Variants in FNDC3B observed in about 807,000 individuals in gnomAD.
FNDC3B encodes the protein fibronectin type III domain-containing protein 3B.
Under a neutral mutation model 151.5 loss-of-function variants are expected in FNDC3B, and 12 were observed. That is an observed-to-expected ratio of 0.08 (90% CI 0.05 to 0.13). The LOEUF (loss-of-function observed/expected upper bound fraction) is 0.13. Among genes scored for constraint, FNDC3B ranks in the 10% least tolerant of loss-of-function variants. FNDC3B has a pLI of 1.00. For missense variants in FNDC3B, 1,214 were observed against 1,505.3 expected, an observed-to-expected ratio of 0.81 and a Z score of 3.20; for synonymous variants, 528 against 549.0, an observed-to-expected ratio of 0.96 and a Z score of 0.54.
chr3:172,269,042 G>A (rs1729057369), intron 6 of FNDC3B, among the ~76,000 whole-genome samples: 1 of 152,158 alleles, frequency 6.6e-6, no homozygotes, highest in Non-Finnish European at 1.5e-5. Flanking sequence ...TTGAGCCATA[G>A]CATTCGTGGA....
At chr3:172,337,428 C>T (rs190776302) in intron 16 of FNDC3B, 27 bp downstream of exon 16, 14 of 1,421,578 alleles carry the variant, frequency 9.8e-6, no homozygotes, top group Admixed American at 3.3e-5. Flanking sequence ...TTGTTTTATT[C>T]AAATCCAATA....
chr3:172,397,270 A>C lies in FNDC3B; in HGVS notation c.3410A>C (p.Glu1137Ala). 6.2e-7 allele frequency: 1 copy of C among 1,614,164 alleles called. No homozygotes were observed. The highest frequency in any genetic ancestry group is 8.5e-7 in the Non-Finnish European group (1 of 1,180,016). Reference sequence around the variant, plus strand: ...CGTCGCTGTTTAGACACCTCTCAGGAGCTAAGCGGAGCCTTCAGCCCCTCT... The same window carrying C: ...CGTCGCTGTTTAGACACCTCTCAGGCGCTAAGCGGAGCCTTCAGCCCCTCT... ...ACRRCLDTSQ[E>A]LSGAFSPSAA... Residue 1137 changes from glutamate (E) to alanine (A), a missense_variant, in exon 26 of 26, where the codon GAG becomes GCG. Glu to Ala is a moderately radical substitution (Grantham distance 107). Coordinates refer to ENST00000415807, the MANE Select transcript of FNDC3B (RefSeq NM_022763.4).
Position 172,328,898 on chromosome 3 carries a change from A to ATCT in FNDC3B, c.1255-53_1255-51dup, listed in dbSNP as rs1255505663. 30 of 1,300,420 alleles carry ATCT rather than the reference A, an allele frequency of 2.3e-5. No individual in the cohort carries two copies. In the East Asian group the frequency reaches 7.6e-4, roughly 33 times the overall value. 80.6% of individuals were successfully genotyped at this position (1,300,420 alleles called of 1,614,324 possible). A position where few individuals can be genotyped will look rare whatever the true frequency, so the allele number is the denominator to read the frequency against. ...GATGCTCCTTCATTTATTTAGGGTT[A>ATCT]TCTGTTGTTTTTTTTTTTTTAAGTA... On this transcript the variant is annotated intron_variant, in intron 11 of 25. Transcript: ENST00000415807.
At chr3:172,204,262 A>G (rs1254894471) in intron 3 of FNDC3B, among the ~76,000 whole-genome samples, 3 of 152,208 alleles carry the variant, frequency 2.0e-5, no homozygotes, top group African/African-American at 7.2e-5. Context: ...CCAAGCATGC[A>G]CCGGAGACGC....
chr3:172,385,062 G>A (rs922391647), intron 25 of FNDC3B, among the ~76,000 whole-genome samples: 8 of 151,348 alleles, frequency 5.3e-5, no homozygotes, highest in African/African-American at 1.9e-4. Context: ...GGGACAATTT[G>A]TACTGGTTTC....
At chr3:172,203,010 G>A (rs1031619357) in intron 3 of FNDC3B, among the ~76,000 whole-genome samples, 1 of 152,038 alleles carries the variant, frequency 6.6e-6, no homozygotes, top group Non-Finnish European at 1.5e-5. Context: ...TACCAAAGCC[G>A]GCCATGGGCT....
intron 1 of FNDC3B, among the ~76,000 whole-genome samples, chr3:172,092,147 A>G (rs759425250): frequency 9.2e-5 from 14 of 152,154 alleles, no homozygotes; most frequent in Non-Finnish European, 1.6e-4. Context: ...TTGGAGTAGA[A>G]GAACAGCAAA....
At chr3:172,116,202 A>G (rs1446507995) in intron 2 of FNDC3B, among the ~76,000 whole-genome samples, 1 of 152,256 alleles carries the variant, frequency 6.6e-6, no homozygotes, top group African/African-American at 2.4e-5. Flanking sequence ...AACTAAAAAT[A>G]AATAACAAGA....
intron 2 of FNDC3B, among the ~76,000 whole-genome samples, chr3:172,126,747 G>A (rs1195173683): frequency 6.6e-6 from 1 of 152,214 alleles, no homozygotes; most frequent in East Asian, 1.9e-4. Context: ...AGAAAACTGA[G>A]CCGGAGAGGG....
chr3:172,350,329 A>G (rs918215204), intron 21 of FNDC3B, among the ~76,000 whole-genome samples: 2 of 152,306 alleles, frequency 1.3e-5, no homozygotes, highest in South Asian at 2.1e-4. Flanking sequence ...TTGTTAAATG[A>G]TGGAATCAAG....
chr3:172,293,953 A>G (rs911801759), intron 7 of FNDC3B, among the ~76,000 whole-genome samples: 3 of 152,252 alleles, frequency 2.0e-5, no homozygotes, highest in Non-Finnish European at 4.4e-5. Flanking sequence ...TCTACAGCCT[A>G]ATAATCTACA....
chr3:172,322,694 T>C (rs913917494), intron 11 of FNDC3B, among the ~76,000 whole-genome samples: 2 of 152,202 alleles, frequency 1.3e-5, no homozygotes, highest in East Asian at 3.8e-4. Flanking sequence ...CGTAACTCTT[T>C]TTCCCATCCC....
chr3:172,341,499 A>C lies in FNDC3B; in HGVS notation c.1971+268A>C, dbSNP rs142003397. ...AGGCTTTGACATAATCACCTGTGACAGTTGAAAATTGTCTGGAATTTGCAT... is the reference window on the plus strand; with the variant it reads ...AGGCTTTGACATAATCACCTGTGACCGTTGAAAATTGTCTGGAATTTGCAT... On this transcript the variant is annotated intron_variant, in intron 17 of 25. Transcript: ENST00000415807. 1.4e-3 allele frequency among the ~76,000 whole-genome samples: 219 copies of C among 152,328 alleles called. 3 individuals are homozygous for C. Among genetic ancestry groups the C allele is most frequent in the African/African-American group, 5.1e-3 (214 of 41,572 alleles).
chr3:172,222,730 G>T (rs769021896), intron 3 of FNDC3B, among the ~76,000 whole-genome samples: 2 of 152,218 alleles, frequency 1.3e-5, no homozygotes, highest in African/African-American at 2.4e-5. Flanking sequence ...AGTAATGCTC[G>T]CTTGCCCACT....
At chr3:172,112,360 G>A (rs1300291876) in intron 1 of FNDC3B, 92 bp from the exon 2 acceptor site, 15 of 721,364 alleles carry the variant, frequency 2.1e-5, no homozygotes, top group South Asian at 1.7e-4. Flanking sequence ...TGGGTTTCAC[G>A]ATGGAGCACT....
chr3:172,056,117 C>T (rs1229932062), intron 1 of FNDC3B, among the ~76,000 whole-genome samples: 2 of 151,984 alleles, frequency 1.3e-5, no homozygotes, highest in African/African-American at 2.4e-5. Flanking sequence ...GGCAGGTTTT[C>T]CAAATCCTAG....
intron 4 of FNDC3B, among the ~76,000 whole-genome samples, chr3:172,227,675 C>G (rs535792772): frequency 1.3e-5 from 2 of 152,308 alleles, no homozygotes; most frequent in South Asian, 4.1e-4. Context: ...TTTCCAAATA[C>G]CTAACAAACT....
At chr3:172,068,510 G>A (rs951020064) in intron 1 of FNDC3B, among the ~76,000 whole-genome samples, 1 of 138,844 alleles carries the variant, frequency 7.2e-6, no homozygotes, top group Non-Finnish European at 1.5e-5. Context: ...TGCAGCCTCC[G>A]CCACCCGGGT....
At chr3:172,062,688 A>G (rs938989720) in intron 1 of FNDC3B, among the ~76,000 whole-genome samples, 3 of 151,914 alleles carry the variant, frequency 2.0e-5, no homozygotes, top group Non-Finnish European at 4.4e-5. Context: ...GATATTATAT[A>G]TGGTATTTCT....
Sources: allele counts gnomAD v4.1 joint callset (sites outside exome capture counted in the v4.1 genomes callset), GRCh38; gene constraint gnomAD v4.1.1; transcripts MANE v1.5; gene names NCBI Gene and HGNC (gene_info 2026-07-23, HGNC 2026-07-21).